The following SOX5 variants were observed in gnomAD, a reference collection of about 807,000 sequenced individuals.
SOX5 encodes the protein transcription factor SOX-5.
A neutral mutation model predicts 92.0 loss-of-function variants in SOX5; 9 were observed. That is an observed-to-expected ratio of 0.10 (90% CI 0.06 to 0.17). The LOEUF (loss-of-function observed/expected upper bound fraction) is 0.17. Among genes scored for constraint, SOX5 ranks in the 10% least tolerant of loss-of-function variants. The pLI is 1.00. For synonymous variants in SOX5, 344 were observed against 336.3 expected (o/e 1.02, Z -0.25); for missense variants, 642 against 944.5 (o/e 0.68, Z 4.20).
chr12:24,161,671 T>C (rs1480396752), intron 4 of SOX5, among the ~76,000 whole-genome samples: 1 of 152,010 alleles, frequency 6.6e-6, no homozygotes, highest in African/African-American at 2.4e-5. Flanking sequence ...TAATAACATT[T>C]TCTTAAAGTA....
intron 2 of SOX5, among the ~76,000 whole-genome samples, chr12:24,317,735 C>T (rs1463855858): frequency 1.3e-5 from 2 of 152,184 alleles, no homozygotes; most frequent in East Asian, 3.8e-4. Flanking sequence ...CCTTCGTTTC[C>T]CTTCCATCTA....
chr12:23,949,623 T>G lies in SOX5; in HGVS notation c.-22A>C, dbSNP rs756879598. On this transcript the variant is annotated 5_prime_UTR_variant, in exon 1 of 15. Coordinates refer to ENST00000451604, the MANE Select transcript of SOX5 (RefSeq NM_006940.6). The stretch of plus-strand genomic sequence containing the variant: ...GCATGCTGGAAAAGCACAATTTCCC[T>G]TTGTCACAGCAGCCACCTATGATCG... 1.2e-6 allele frequency: 2 copies of G among 1,613,700 alleles called. No homozygotes were observed. The highest frequency in any genetic ancestry group is 1.7e-6 in the Non-Finnish European group (2 of 1,179,800).
chr12:24,312,583 A>G (rs1035265913), intron 2 of SOX5, among the ~76,000 whole-genome samples: 1 of 152,332 alleles, frequency 6.6e-6, no homozygotes, highest in South Asian at 2.1e-4. Flanking sequence ...TGCTTGGCAC[A>G]TAGTAGTTGC....
At chr12:24,319,181 G>T (rs1949982169) in intron 2 of SOX5, among the ~76,000 whole-genome samples, 1 of 152,006 alleles carries the variant, frequency 6.6e-6, no homozygotes, top group Non-Finnish European at 1.5e-5. Flanking sequence ...TCTAACTTTT[G>T]CTTTCTATTG....
intron 9 of SOX5, among the ~76,000 whole-genome samples, chr12:23,595,208 T>C (rs1394741707): frequency 1.3e-5 from 2 of 152,076 alleles, no homozygotes; most frequent in East Asian, 1.9e-4. Context: ...TATAGAACAC[T>C]AAAAAGGGAC....
chr12:23,879,484 TG>T (rs1287365340), intron 2 of SOX5, among the ~76,000 whole-genome samples: 1 of 152,168 alleles, frequency 6.6e-6, no homozygotes, highest in Non-Finnish European at 1.5e-5. Context: ...AATAACCCCA[TG>T]TGTATGAACA....
chr12:24,095,152 G>A (rs1234973926), intron 4 of SOX5, among the ~76,000 whole-genome samples: 1 of 137,578 alleles, frequency 7.3e-6, no homozygotes, highest in South Asian at 2.5e-4. Flanking sequence ...GAGAGAGAGA[G>A]AGAGACAGAG....
chr12:23,846,490 T>C (rs534743485), intron 2 of SOX5, among the ~76,000 whole-genome samples: 30 of 152,352 alleles, frequency 2.0e-4, no homozygotes, highest in African/African-American at 7.2e-4. Flanking sequence ...TTCTCTCCTT[T>C]AAACTGAGTA....
At chr12:23,598,127 T>G (rs1952773681) in intron 9 of SOX5, among the ~76,000 whole-genome samples, 1 of 152,170 alleles carries the variant, frequency 6.6e-6, no homozygotes, top group South Asian at 2.1e-4. Flanking sequence ...AGCCATGATT[T>G]GAGATTTTGA....
chr12:24,502,492 T>C (rs531772311), intron 1 of SOX5, among the ~76,000 whole-genome samples: 4 of 152,306 alleles, frequency 2.6e-5, no homozygotes, highest in Admixed American at 2.0e-4. Context: ...AAATAAATCA[T>C]TGAGTATATA....
intron 3 of SOX5, among the ~76,000 whole-genome samples, chr12:23,794,013 A>C (rs893361743): frequency 6.6e-6 from 1 of 152,176 alleles, no homozygotes; most frequent in Admixed American, 6.6e-5. Flanking sequence ...TAAACCTACA[A>C]AGATGTATAC....
At chr12:23,590,284 C>A (rs981417566) in intron 9 of SOX5, among the ~76,000 whole-genome samples, 2 of 152,004 alleles carry the variant, frequency 1.3e-5, no homozygotes, top group Non-Finnish European at 2.9e-5. Flanking sequence ...GGCTAGATTG[C>A]AGAATGCCAT....
chr12:24,134,616 C>T (rs1347173699), intron 4 of SOX5, among the ~76,000 whole-genome samples: 1 of 151,958 alleles, frequency 6.6e-6, no homozygotes, highest in Admixed American at 6.6e-5. Context: ...GGGAGGTGAA[C>T]AAGAAAATGA....
chr12:24,117,226 A>G (rs960722089), intron 4 of SOX5, among the ~76,000 whole-genome samples: 7 of 152,322 alleles, frequency 4.6e-5, no homozygotes, highest in Non-Finnish European at 1.0e-4. Flanking sequence ...CAACATTACT[A>G]ATCATCAGGG....
intron 3 of SOX5, among the ~76,000 whole-genome samples, chr12:23,781,017 TA>T (rs1182268670): frequency 1.3e-5 from 2 of 151,992 alleles, no homozygotes; most frequent in East Asian, 3.9e-4. Flanking sequence ...CTCATTTTTA[TA>T]AAAGATTATT....
intron 8 of SOX5, among the ~76,000 whole-genome samples, chr12:23,640,525 C>G (rs2079914105): frequency 1.3e-5 from 2 of 152,162 alleles, no homozygotes; most frequent in South Asian, 4.1e-4. Context: ...AAGGACCATA[C>G]TGTGACAAAA....
intron 2 of SOX5, among the ~76,000 whole-genome samples, chr12:23,880,915 T>C (rs2096981889): frequency 6.6e-6 from 1 of 152,246 alleles, no homozygotes; most frequent in Non-Finnish European, 1.5e-5. Flanking sequence ...TTTAGAACAC[T>C]GAATAAAATC....
chr12:24,002,572 A>ATTTTTTT (rs1951715911), intron 4 of SOX5, among the ~76,000 whole-genome samples: 2 of 131,798 alleles, frequency 1.5e-5, no homozygotes, highest in Non-Finnish European at 1.6e-5. Flanking sequence ...TGAATTAGTA[A>ATTTTTTT]TTTTCTTACA....
chr12:23,980,535 A>G (rs1182489701), intron 4 of SOX5, among the ~76,000 whole-genome samples: 1 of 152,194 alleles, frequency 6.6e-6, no homozygotes, highest in African/African-American at 2.4e-5. Context: ...ATCCTGATGC[A>G]TATTTGAGGA....
Sources: allele counts gnomAD v4.1 joint callset (sites outside exome capture counted in the v4.1 genomes callset), GRCh38; gene constraint gnomAD v4.1.1; transcripts MANE v1.5; gene names NCBI Gene and HGNC (gene_info 2026-07-23, HGNC 2026-07-21).